The following SLC35F3 variants were observed in gnomAD, a reference collection of about 807,000 sequenced individuals.
SLC35F3 encodes putative thiamine transporter SLC35F3.
A neutral mutation model predicts 49.9 loss-of-function variants in SLC35F3; 25 were observed. The ratio of observed to expected loss-of-function variants is 0.50; its 90% CI spans 0.37 to 0.70. SLC35F3 has a LOEUF of 0.70. SLC35F3 is among the 30% of genes least tolerant of loss of function. The pLI is 0.00. For missense variants in SLC35F3, 525 were observed against 639.8 expected (o/e 0.82, Z 1.94); for synonymous variants, 275 against 265.4 (o/e 1.04, Z -0.35).
chr1:233,941,920 A>G (rs998210380), intron 2 of SLC35F3, among the ~76,000 whole-genome samples: 4 of 151,648 alleles, frequency 2.6e-5, no homozygotes, highest in African/African-American at 9.7e-5. Flanking sequence ...TCATCATCTC[A>G]AAAGTTTCCT....
At chr1:234,265,209 G>A (rs1667962125) in intron 3 of SLC35F3, among the ~76,000 whole-genome samples, 1 of 152,160 alleles carries the variant, frequency 6.6e-6, no homozygotes, top group African/African-American at 2.4e-5. Context: ...AATATAACAT[G>A]TGAAAAATCA....
chr1:233,980,423 C>T (rs187515523), intron 2 of SLC35F3, among the ~76,000 whole-genome samples: 9 of 152,294 alleles, frequency 5.9e-5, no homozygotes, highest in East Asian at 5.8e-4. Context: ...GTCTCTTCTC[C>T]GCATCATGCT....
chr1:233,966,814 A>C (rs1007846583), intron 2 of SLC35F3, among the ~76,000 whole-genome samples: 3 of 152,232 alleles, frequency 2.0e-5, no homozygotes, highest in Non-Finnish European at 4.4e-5. Context: ...TCTAATTGAA[A>C]AGTAAAGGAA....
intron 4 of SLC35F3, among the ~76,000 whole-genome samples, chr1:234,313,785 A>C (rs1002001942): frequency 1.3e-5 from 2 of 152,182 alleles, no homozygotes; most frequent in African/African-American, 4.8e-5. Context: ...AGTTTGTTTT[A>C]GTGCAGGAAA....
chr1:234,265,348 T>TG lies in SLC35F3; in HGVS notation c.608+33607_608+33608insG, dbSNP rs1246674005. On this transcript the variant is annotated intron_variant, in intron 3 of 7. Coordinates refer to ENST00000366618, the MANE Select transcript of SLC35F3 (RefSeq NM_173508.4). The stretch of plus-strand genomic sequence containing the variant: ...TTTTTCTTTTTCTTTTTCTTTTTGT[T>TG]TTTTTGGTAGAGATGGGGTCTTGCT... Among the ~76,000 whole-genome samples the TG allele has an allele frequency of 2.0e-5, 3 of 151,432 alleles. No individual in the cohort carries two copies. In the East Asian group the frequency reaches 5.8e-4, roughly 29 times the overall value.
chr1:234,263,712 T>C (rs1343579851), intron 3 of SLC35F3, among the ~76,000 whole-genome samples: 1 of 152,134 alleles, frequency 6.6e-6, no homozygotes, highest in Non-Finnish European at 1.5e-5. Context: ...AAGCAGCACT[T>C]AGAGACAGCC....
chr1:234,088,066 T>C (rs1047725425), intron 2 of SLC35F3, among the ~76,000 whole-genome samples: 1 of 152,252 alleles, frequency 6.6e-6, no homozygotes, highest in Non-Finnish European at 1.5e-5. Context: ...GAATGTAAGC[T>C]CCATGAATGC....
chr1:234,288,358 T>C (rs1668456165), intron 3 of SLC35F3, among the ~76,000 whole-genome samples: 1 of 152,242 alleles, frequency 6.6e-6, no homozygotes, highest in African/African-American at 2.4e-5. Context: ...ATAAAATCTA[T>C]ATAAATCATT....
At chr1:234,132,174 C>T (rs551494476) in intron 2 of SLC35F3, among the ~76,000 whole-genome samples, 3 of 152,212 alleles carry the variant, frequency 2.0e-5, no homozygotes, top group Non-Finnish European at 4.4e-5. Context: ...TGCTCTGTCT[C>T]TCTCTTCCCC....
intron 2 of SLC35F3, among the ~76,000 whole-genome samples, chr1:234,117,180 C>G (rs1665499745): frequency 6.6e-6 from 1 of 152,144 alleles, no homozygotes; most frequent in Admixed American, 6.5e-5. Flanking sequence ...CTAAGTATCC[C>G]TTTGTTGGGC....
At chr1:234,059,687 T>TAGACATAGAC (rs1664512970) in intron 2 of SLC35F3, among the ~76,000 whole-genome samples, 2 of 150,362 alleles carry the variant, frequency 1.3e-5, no homozygotes, top group South Asian at 4.3e-4. Flanking sequence ...TAGACAGACA[T>TAGACATAGAC]AGACATAGAC....
chr1:234,216,598 G>A (rs1028988668), intron 2 of SLC35F3, among the ~76,000 whole-genome samples: 32 of 152,208 alleles, frequency 2.1e-4, no homozygotes, highest in African/African-American at 7.0e-4. Context: ...CAGCTGCCTC[G>A]CCACGGGCTT....
intron 2 of SLC35F3, among the ~76,000 whole-genome samples, chr1:234,208,468 CCCTCTTCCTGAT>C (rs1480541764): frequency 1.1e-4 from 17 of 152,192 alleles, no homozygotes; most frequent in African/African-American, 2.4e-5. Flanking sequence ...AACATAGCTA[CCCTCTTCCTGAT>C]GATCAGCCCA....
At chr1:234,077,187 G>T (rs1664805533) in intron 2 of SLC35F3, among the ~76,000 whole-genome samples, 1 of 151,426 alleles carries the variant, frequency 6.6e-6, no homozygotes, top group Non-Finnish European at 1.5e-5. Context: ...TGTATTTTTA[G>T]TAGAGACGGG....
chr1:233,956,079 G>T (rs985734819), intron 2 of SLC35F3, among the ~76,000 whole-genome samples: 1 of 151,648 alleles, frequency 6.6e-6, no homozygotes, highest in Non-Finnish European at 1.5e-5. Flanking sequence ...GTGAAGACAG[G>T]GTTTCACCAT....
chr1:234,155,779 T>C (rs1265877506), intron 2 of SLC35F3, among the ~76,000 whole-genome samples: 1 of 124,330 alleles, frequency 8.0e-6, no homozygotes, highest in Non-Finnish European at 1.6e-5. Context: ...TCACACAATA[T>C]ACCAAAAAAA....
At chr1:234,139,839 T>C (rs1407509758) in intron 2 of SLC35F3, among the ~76,000 whole-genome samples, 1 of 151,554 alleles carries the variant, frequency 6.6e-6, no homozygotes, top group East Asian at 1.9e-4. Flanking sequence ...TCCCAACTAC[T>C]CAGGAGGCTG....
intron 2 of SLC35F3, among the ~76,000 whole-genome samples, chr1:234,082,294 T>C (rs561017905): frequency 6.6e-6 from 1 of 152,320 alleles, no homozygotes; most frequent in South Asian, 2.1e-4. Context: ...AATGGCTTTA[T>C]GTATAAATAA....
intron 2 of SLC35F3, among the ~76,000 whole-genome samples, chr1:234,168,180 G>A (rs1666346337): frequency 2.0e-5 from 3 of 152,200 alleles, no homozygotes; most frequent in Admixed American, 1.3e-4. Flanking sequence ...CAGACTCAAT[G>A]CCAGGGTCCT....
Sources: allele counts gnomAD v4.1 joint callset (sites outside exome capture counted in the v4.1 genomes callset), GRCh38; gene constraint gnomAD v4.1.1; transcripts MANE v1.5; gene names NCBI Gene and HGNC (gene_info 2026-07-23, HGNC 2026-07-21).